CSNK1G1: variants seen among roughly 807,000 people sequenced by gnomAD.
The protein encoded by CSNK1G1 is casein kinase 1 gamma 1, also known as casein kinase I isoform gamma-1.
In CSNK1G1, 22 loss-of-function variants were observed where a neutral mutation model predicts 59.6. The observed-to-expected ratio is 0.37, with a 90% CI of 0.26 to 0.53. CSNK1G1 has a LOEUF of 0.53. Among genes scored for constraint, CSNK1G1 ranks in the 20% least tolerant of loss-of-function variants. CSNK1G1 has a pLI of 0.89. For synonymous variants in CSNK1G1, 179 were observed against 177.1 expected, an observed-to-expected ratio of 1.01 and a Z score of -0.08; for missense variants, 384 against 519.5, an observed-to-expected ratio of 0.74 and a Z score of 2.54.
At chr15:64,221,974 C>T (rs1025798612) in intron 4 of CSNK1G1, among the ~76,000 whole-genome samples, 6 of 152,092 alleles carry the variant, frequency 3.9e-5, no homozygotes, top group Non-Finnish European at 8.8e-5. Context: ...GACACATGCA[C>T]ATGTATGTTT....
At chr15:64,309,768 A>T (rs753994043) in intron 1 of CSNK1G1, among the ~76,000 whole-genome samples, 20 of 152,194 alleles carry the variant, frequency 1.3e-4, no homozygotes, top group Non-Finnish European at 2.5e-4. Flanking sequence ...ATTTTCACCC[A>T]TTTTAAATGG....
intron 4 of CSNK1G1, among the ~76,000 whole-genome samples, chr15:64,245,968 G>T (rs1891730411): frequency 6.6e-6 from 1 of 152,136 alleles, no homozygotes; most frequent in Non-Finnish European, 1.5e-5. Context: ...GATGAAGAGA[G>T]CTTGGTTAAT....
At chr15:64,273,135 T>C (rs987313847) in intron 2 of CSNK1G1, among the ~76,000 whole-genome samples, 3 of 152,198 alleles carry the variant, frequency 2.0e-5, no homozygotes, top group African/African-American at 7.2e-5. Context: ...TATTTCAAGA[T>C]AGCTAGACAA....
chr15:64,317,036 G>GC (rs1896310506), intron 1 of CSNK1G1: 1 of 152,104 alleles, frequency 6.6e-6, no homozygotes, highest in African/African-American at 2.4e-5. Context: ...GGCTTGTCCT[G>GC]CTACATCATA....
Position 64,228,073 on chromosome 15 carries a change from C to G in CSNK1G1, c.293-11360G>C, listed in dbSNP as rs565114982. The stretch of plus-strand genomic sequence containing the variant: ...TGATTTGTCCTACTCACCCTTTTGG[C>G]TTCCCTTATTTTTAATTTTTAAGAA... On this transcript the variant is annotated intron_variant, in intron 4 of 11. Transcript: ENST00000303052. Among the ~76,000 whole-genome samples the G allele has an allele frequency of 2.0e-5, 3 of 152,198 alleles. No individual in the cohort carries two copies. The South Asian group carries it at 6.2e-4, about 32-fold the overall frequency.
chr15:64,324,006 T>C lies in CSNK1G1; in HGVS notation c.-224-23283A>G, dbSNP rs1896706612. 2.0e-5 allele frequency among the ~76,000 whole-genome samples: 3 copies of C among 152,332 alleles called. No individual in the cohort carries two copies. In the South Asian group the frequency reaches 6.2e-4, roughly 32 times the overall value. ...TTAAATCCTTCCACTACCTTATGGATAGTAATACTGTTACTATAATTCTCA... is the reference window on the plus strand; with the variant it reads ...TTAAATCCTTCCACTACCTTATGGACAGTAATACTGTTACTATAATTCTCA... On this transcript the variant is annotated intron_variant, in intron 1 of 11. Coordinates refer to ENST00000303052, the MANE Select transcript of CSNK1G1 (RefSeq NM_022048.5).
chr15:64,262,162 C>T (rs1478226660), intron 2 of CSNK1G1, among the ~76,000 whole-genome samples: 1 of 152,204 alleles, frequency 6.6e-6, no homozygotes, highest in African/African-American at 2.4e-5. Flanking sequence ...CCCATCTACA[C>T]AGATACCAGA....
chr15:64,325,693 G>C (rs1356746077), intron 1 of CSNK1G1, among the ~76,000 whole-genome samples: 1 of 152,140 alleles, frequency 6.6e-6, no homozygotes, highest in Non-Finnish European at 1.5e-5. Context: ...CATCTTTTAA[G>C]TGCCTACTGC....
chr15:64,184,042 G>A (rs1342174456), intron 10 of CSNK1G1, among the ~76,000 whole-genome samples: 1 of 151,962 alleles, frequency 6.6e-6, no homozygotes, highest in Non-Finnish European at 1.5e-5. Flanking sequence ...AGTGGCTCAC[G>A]CCTGTAATCC....
intron 11 of CSNK1G1, among the ~76,000 whole-genome samples, chr15:64,174,082 A>G (rs1410562177): frequency 6.6e-6 from 1 of 152,206 alleles, no homozygotes; most frequent in Admixed American, 6.5e-5. Context: ...GTCAACTTCT[A>G]TTCTTAATCT....
intron 1 of CSNK1G1, among the ~76,000 whole-genome samples, chr15:64,334,802 C>T (rs1596291760): frequency 6.6e-6 from 1 of 152,194 alleles, no homozygotes; most frequent in African/African-American, 2.4e-5. Flanking sequence ...ACCTGCCACT[C>T]ACTTCCTGCT....
intron 4 of CSNK1G1, among the ~76,000 whole-genome samples, chr15:64,248,459 T>C (rs1891877539): frequency 1.3e-5 from 2 of 152,350 alleles, no homozygotes; most frequent in South Asian, 4.1e-4. Context: ...GACTGCTATG[T>C]GACAGAATGA....
intron 6 of CSNK1G1, among the ~76,000 whole-genome samples, chr15:64,208,476 T>C (rs2082210802): frequency 6.6e-6 from 1 of 152,232 alleles, no homozygotes; most frequent in East Asian, 1.9e-4. Flanking sequence ...CAACTTCATC[T>C]CAGAAAACAT....
At chr15:64,182,112 G>GGAC (rs2081826416) in intron 10 of CSNK1G1, among the ~76,000 whole-genome samples, 1 of 132,160 alleles carries the variant, frequency 7.6e-6, no homozygotes, top group Non-Finnish European at 1.5e-5. Flanking sequence ...TGCCCAGGCT[G>GGAC]GAGTGCAGTG....
At chr15:64,240,967 T>C (rs1467196175) in intron 4 of CSNK1G1, among the ~76,000 whole-genome samples, 2 of 152,026 alleles carry the variant, frequency 1.3e-5, no homozygotes, top group African/African-American at 2.4e-5. Context: ...ATAAAGAATA[T>C]ATAAAGCAAC....
chr15:64,250,691 G>A (rs988403144), intron 4 of CSNK1G1, among the ~76,000 whole-genome samples: 5 of 152,152 alleles, frequency 3.3e-5, no homozygotes, highest in Non-Finnish European at 4.4e-5. Context: ...GCTGCAGTGA[G>A]CCGTGATCGT....
At chr15:64,243,947 T>A (rs545067503) in intron 4 of CSNK1G1, among the ~76,000 whole-genome samples, 3 of 152,016 alleles carry the variant, frequency 2.0e-5, no homozygotes, top group Admixed American at 6.6e-5. Context: ...GGCAGGTGGA[T>A]CACCTGAGGT....
At chr15:64,300,830 T>C (rs1381637437) in intron 1 of CSNK1G1, 107 bp from the exon 2 acceptor site, 1 of 606,048 alleles carries the variant, frequency 1.7e-6, no homozygotes. Context: ...GCAAAATGCA[T>C]AGCTTCTGAA....
Position 64,300,494 on chromosome 15 carries a change from G to A in CSNK1G1, c.6C>T (p.Asp2=). The change falls in exon 2 of 12, where the codon GAC becomes GAT. Residue 2 remains aspartate, a synonymous_variant. Transcript: ENST00000303052. M[D]HPSREKDERQ... is the part of the protein sequence containing the mutation. The stretch of plus-strand genomic sequence containing the variant: ...TTTCATCCTTTTCCCTACTAGGATG[G>A]TCCATGATCCTACAGGACAGAGTCT... 6.2e-7 allele frequency: 1 copy of A among 1,613,916 alleles called. No homozygotes were observed. The highest frequency in any genetic ancestry group is 1.1e-5 in the South Asian group (1 of 91,068).
Sources: gnomAD v4.1 joint callset for allele counts (sites outside exome capture counted in the v4.1 genomes callset) on GRCh38, gnomAD v4.1.1 for gene constraint, MANE v1.5 for transcripts, NCBI Gene and HGNC (gene_info 2026-07-23, HGNC 2026-07-21) for gene names.